Variants in ARHGAP28 observed in about 807,000 individuals in gnomAD.
ARHGAP28 encodes the protein Rho GTPase activating protein 28.
Under a neutral mutation model 90.7 loss-of-function variants are expected in ARHGAP28, and 56 were observed. The ratio of observed to expected loss-of-function variants is 0.62; its 90% CI spans 0.50 to 0.77. The LOEUF (loss-of-function observed/expected upper bound fraction) is 0.77, where lower values mean the gene tolerates loss of function less well. Ranked by LOEUF, ARHGAP28 falls within the 30% of genes least tolerant of loss-of-function variation. The pLI is 0.00. For synonymous variants in ARHGAP28, 308 were observed against 323.3 expected (o/e 0.95, Z 0.51); for missense variants, 869 against 900.9 (o/e 0.96, Z 0.45).
intron 11 of ARHGAP28, among the ~76,000 whole-genome samples, chr18:6,883,373 G>T (rs1305016945): frequency 1.3e-5 from 2 of 152,000 alleles, no homozygotes; most frequent in Non-Finnish European, 2.9e-5. Context: ...TGAGTAGCTG[G>T]GATTACAGGT....
intron 1 of ARHGAP28, among the ~76,000 whole-genome samples, chr18:6,747,188 G>A (rs528915597): frequency 6.6e-6 from 1 of 151,904 alleles, no homozygotes; most frequent in Non-Finnish European, 1.5e-5. Context: ...TGGAGCCCAG[G>A]AGAACTGGGA....
chr18:6,802,345 T>C (rs2056488455), intron 1 of ARHGAP28, among the ~76,000 whole-genome samples: 1 of 133,898 alleles, frequency 7.5e-6, no homozygotes, highest in African/African-American at 2.8e-5. Flanking sequence ...CTTTTTTTTT[T>C]TTTTTTTTTT....
At chr18:6,826,841 G>T (rs959229147) in intron 2 of ARHGAP28, among the ~76,000 whole-genome samples, 1 of 152,016 alleles carries the variant, frequency 6.6e-6, no homozygotes, top group South Asian at 2.1e-4. Flanking sequence ...GCGGCCTTCC[G>T]CAGTGTTTGT....
At chr18:6,898,466 C>T in intron 16 of ARHGAP28, 1 of 1,613,484 alleles carries the variant, frequency 6.2e-7, no homozygotes, top group South Asian at 1.1e-5. Context: ...CTGCACTTTC[C>T]TTCCTAAATG....
chr18:6,885,296 G>A lies in ARHGAP28; in HGVS notation c.1454-1861G>A, dbSNP rs80288062. On this transcript the variant is annotated intron_variant, in intron 11 of 17. Coordinates refer to ENST00000383472, the MANE Select transcript of ARHGAP28 (RefSeq NM_001366230.1). ...CCAGAGTTCTGGCCTGCTACCAGCAGGAAATAATGGCCTTTTTGCCACCTA... is the reference window on the plus strand; with the variant it reads ...CCAGAGTTCTGGCCTGCTACCAGCAAGAAATAATGGCCTTTTTGCCACCTA... 8.3e-3 allele frequency among the ~76,000 whole-genome samples: 1,267 copies of A among 152,286 alleles called. 16 individuals are homozygous for A. Among genetic ancestry groups the A allele is most frequent in the African/African-American group, 0.029 (1,218 of 41,548 alleles).
chr18:6,732,381 A>G (rs2055889784), intron 1 of ARHGAP28, among the ~76,000 whole-genome samples: 1 of 152,202 alleles, frequency 6.6e-6, no homozygotes, highest in Non-Finnish European at 1.5e-5. Context: ...TCCCTGCCCC[A>G]AGAATGTGGC....
At chr18:6,802,928 C>T (rs1276722661) in intron 1 of ARHGAP28, among the ~76,000 whole-genome samples, 1 of 151,890 alleles carries the variant, frequency 6.6e-6, no homozygotes, top group Non-Finnish European at 1.5e-5. Flanking sequence ...TTATTGTTTT[C>T]TATATTACTC....
At position 6,898,515 on chromosome 18, in the gene ARHGAP28, A is replaced by G. The variant is rs113174942; in HGVS notation, c.2030+1889A>G. On this transcript the variant is annotated intron_variant, in intron 16 of 17. Transcript: ENST00000383472. ...AAAAGAAAGAGAAGAGTCGACAGAG[A>G]CCAACAGGAGCCCCAAACATGTATT... 2.3e-4 allele frequency: 366 copies of G among 1,614,148 alleles called. 1 individual carries two copies. The African/African-American group carries it at 4.3e-3, about 19-fold the overall frequency.
At chr18:6,730,401 T>C (rs1172660537) in intron 1 of ARHGAP28, among the ~76,000 whole-genome samples, 1 of 152,110 alleles carries the variant, frequency 6.6e-6, no homozygotes, top group Non-Finnish European at 1.5e-5. Context: ...GTTTAAAATT[T>C]AGGTTGAGAA....
chr18:6,875,170 C>T (rs1375113263), intron 9 of ARHGAP28: 2 of 152,192 alleles, frequency 1.3e-5, no homozygotes, highest in African/African-American at 2.4e-5. Flanking sequence ...ATAGAAAGTA[C>T]TCAATAAATG....
At chr18:6,760,925 T>C (rs1238036881) in intron 1 of ARHGAP28, among the ~76,000 whole-genome samples, 36 of 152,208 alleles carry the variant, frequency 2.4e-4, no homozygotes, top group Admixed American at 2.4e-3. Flanking sequence ...GTAGAAGTTG[T>C]ATATATCCAT....
At chr18:6,875,958 G>A (rs972467031) in intron 9 of ARHGAP28, among the ~76,000 whole-genome samples, 173 bp from the exon 10 acceptor site, 3 of 152,122 alleles carry the variant, frequency 2.0e-5, no homozygotes, top group African/African-American at 4.8e-5. Flanking sequence ...TTTGCATGTC[G>A]GAGGATAACG....
chr18:6,820,996 A>C (rs2056623048), intron 1 of ARHGAP28, among the ~76,000 whole-genome samples: 1 of 152,210 alleles, frequency 6.6e-6, no homozygotes, highest in Non-Finnish European at 1.5e-5. Flanking sequence ...AATTTAAAAG[A>C]CCATGTATTT....
Position 6,837,376 on chromosome 18 carries a change from A to T in ARHGAP28, c.505A>T (p.Arg169Trp), listed in dbSNP as rs762199449. The T allele has an allele frequency of 6.4e-7, 1 of 1,567,600 alleles. No homozygotes were observed. Among genetic ancestry groups the T allele is most frequent in the Non-Finnish European group, 8.7e-7 (1 of 1,150,210 alleles). The change falls in exon 3 of 18, where the codon AGG becomes TGG. Residue 169 changes from arginine to tryptophan, a missense_variant. Coordinates refer to ENST00000383472, the MANE Select transcript of ARHGAP28 (RefSeq NM_001366230.1). The stretch of plus-strand genomic sequence containing the variant: ...GAGGAAAAAGGATAAGCAATCTATC[A>T]GGGATGTCAGAGACATTTTTGGAGT... ...TMRKKDKQSIRDVRDIFGVSE... is the reference protein window; with the variant it reads ...TMRKKDKQSIWDVRDIFGVSE...
At chr18:6,858,691 C>T (rs1029668250) in intron 4 of ARHGAP28, among the ~76,000 whole-genome samples, 11 of 151,910 alleles carry the variant, frequency 7.2e-5, no homozygotes, top group Non-Finnish European at 1.5e-4. Flanking sequence ...CCACCACACC[C>T]GGCTAATTTT....
intron 16 of ARHGAP28, among the ~76,000 whole-genome samples, chr18:6,899,283 A>G (rs2057325840): frequency 6.6e-6 from 1 of 152,140 alleles, no homozygotes; most frequent in South Asian, 2.1e-4. Context: ...AACACAACAG[A>G]AAGCAGAGAA....
At chr18:6,880,428 C>A (rs537045374) in intron 10 of ARHGAP28, among the ~76,000 whole-genome samples, 5 of 152,148 alleles carry the variant, frequency 3.3e-5, no homozygotes, top group African/African-American at 1.2e-4. Flanking sequence ...TCCACCCACC[C>A]GACCTATGCC....
intron 1 of ARHGAP28, among the ~76,000 whole-genome samples, chr18:6,805,658 G>A (rs1165474943): frequency 6.6e-6 from 1 of 151,292 alleles, no homozygotes; most frequent in East Asian, 2.0e-4. Context: ...GCTAATTTTT[G>A]TATTTTTAGT....
At chr18:6,835,256 A>T (rs2056744610) in intron 2 of ARHGAP28, among the ~76,000 whole-genome samples, 1 of 152,178 alleles carries the variant, frequency 6.6e-6, no homozygotes, top group African/African-American at 2.4e-5. Context: ...AACTTTTTAA[A>T]ATTTTAATAT....
Sources: allele counts gnomAD v4.1 joint callset (sites outside exome capture counted in the v4.1 genomes callset), GRCh38; gene constraint gnomAD v4.1.1; transcripts MANE v1.5; gene names NCBI Gene and HGNC (gene_info 2026-07-23, HGNC 2026-07-21).